The following ITGA9 variants were observed in gnomAD, a reference collection of about 807,000 sequenced individuals.
ITGA9 encodes integrin subunit alpha 9, also known as integrin alpha-9.
Under a neutral mutation model 127.8 loss-of-function variants are expected in ITGA9, and 56 were observed. The observed-to-expected ratio is 0.44, with a 90% CI of 0.35 to 0.55. ITGA9 has a LOEUF of 0.55. ITGA9 is among the 20% of genes least tolerant of loss of function. ITGA9 has a pLI of 0.00. For missense variants in ITGA9, 1,196 were observed against 1,347.1 expected, an observed-to-expected ratio of 0.89 and a Z score of 1.76; for synonymous variants, 508 against 514.5, an observed-to-expected ratio of 0.99 and a Z score of 0.17.
intron 15 of ITGA9, among the ~76,000 whole-genome samples, 157 bp downstream of exon 15, chr3:37,542,742 G>A (rs1351538310): frequency 6.6e-6 from 1 of 152,082 alleles, no homozygotes; most frequent in African/African-American, 2.4e-5. Flanking sequence ...TTTAAAGTTG[G>A]CCTCTGACAG....
intron 15 of ITGA9, among the ~76,000 whole-genome samples, chr3:37,591,503 G>C (rs1346085822): frequency 6.6e-6 from 1 of 152,200 alleles, no homozygotes; most frequent in Non-Finnish European, 1.5e-5. Flanking sequence ...TGGAGTGATA[G>C]AGAAGGAGTT....
intron 14 of ITGA9, among the ~76,000 whole-genome samples, chr3:37,534,548 G>C (rs1699189862): frequency 6.6e-6 from 1 of 152,234 alleles, no homozygotes; most frequent in African/African-American, 2.4e-5. Flanking sequence ...TCATTCCTCA[G>C]CCACACCTCA....
At chr3:37,694,764 G>T (rs896158264) in intron 18 of ITGA9, among the ~76,000 whole-genome samples, 1 of 152,154 alleles carries the variant, frequency 6.6e-6, no homozygotes, top group Non-Finnish European at 1.5e-5. Flanking sequence ...AAGGGGAAAG[G>T]GGGGAGTCTT....
chr3:37,504,022 C>T (rs554820346), intron 6 of ITGA9, among the ~76,000 whole-genome samples: 32 of 152,222 alleles, frequency 2.1e-4, no homozygotes, highest in Non-Finnish European at 1.2e-4. Context: ...AATGCTCTTT[C>T]GCACTCATGA....
At chr3:37,742,506 T>C (rs1371822228) in intron 21 of ITGA9, among the ~76,000 whole-genome samples, 1 of 152,198 alleles carries the variant, frequency 6.6e-6, no homozygotes, top group Non-Finnish European at 1.5e-5. Context: ...AAGCCCCAGC[T>C]TGGAAAAATG....
chr3:37,815,173 A>G (rs1179933496), intron 27 of ITGA9, among the ~76,000 whole-genome samples: 1 of 152,224 alleles, frequency 6.6e-6, no homozygotes, highest in African/African-American at 2.4e-5. Context: ...TAAAAACTTG[A>G]GCACATGAAA....
chr3:37,750,213 C>A (rs1359013393), intron 22 of ITGA9, among the ~76,000 whole-genome samples: 2 of 152,204 alleles, frequency 1.3e-5, no homozygotes, highest in African/African-American at 4.8e-5. Context: ...AGGAAGAAGA[C>A]AAAATGCTGA....
rs768226204 is a variant in ITGA9 at position 37,649,138 on chromosome 3, CAAAAG to C, written c.1840-4571_1840-4567del. On this transcript the variant is annotated intron_variant, in intron 16 of 27. Coordinates refer to ENST00000264741, the MANE Select transcript of ITGA9 (RefSeq NM_002207.3). The stretch of plus-strand genomic sequence containing the variant: ...ATACAAAAAAAAAAAAGAAACAAAA[CAAAAG>C]AAAACCGCAAGGGAGAAAAAGAGGG... Among the ~76,000 whole-genome samples the C allele has an allele frequency of 4.1e-5, 5 of 123,098 alleles. No homozygotes were observed. In the South Asian group the frequency reaches 8.0e-4, roughly 20 times the overall value. 80.8% of individuals were successfully genotyped at this position (123,098 alleles called of 152,430 possible).
intron 26 of ITGA9, among the ~76,000 whole-genome samples, chr3:37,785,804 G>A (rs1697033780): frequency 6.6e-6 from 1 of 152,128 alleles, no homozygotes; most frequent in African/African-American, 2.4e-5. Context: ...GACTTAAAGA[G>A]ATTACATCCA....
chr3:37,786,281 A>G (rs926845765), intron 26 of ITGA9, among the ~76,000 whole-genome samples: 3 of 152,244 alleles, frequency 2.0e-5, no homozygotes, highest in African/African-American at 7.2e-5. Context: ...TGGAGACACC[A>G]CATGTCAAAA....
intron 18 of ITGA9, among the ~76,000 whole-genome samples, chr3:37,692,152 G>T (rs1482036153): frequency 3.3e-5 from 5 of 152,084 alleles, no homozygotes; most frequent in Non-Finnish European, 7.3e-5. Context: ...ACACCATCAT[G>T]TACAGTCCCA....
chr3:37,623,330 T>A (rs561930321), intron 15 of ITGA9, among the ~76,000 whole-genome samples: 1 of 152,374 alleles, frequency 6.6e-6, no homozygotes, highest in Non-Finnish European at 1.5e-5. Flanking sequence ...ATTGCGTTAT[T>A]AGCCCTGAGC....
chr3:37,691,480 G>T (rs769748880), intron 18 of ITGA9, among the ~76,000 whole-genome samples: 6 of 152,188 alleles, frequency 3.9e-5, no homozygotes, highest in Admixed American at 3.3e-4. Flanking sequence ...GCAGCATTCA[G>T]TGGTTGCCAG....
At chr3:37,637,379 T>G (rs931328219) in intron 16 of ITGA9, among the ~76,000 whole-genome samples, 4 of 152,208 alleles carry the variant, frequency 2.6e-5, no homozygotes, top group Non-Finnish European at 4.4e-5. Flanking sequence ...CTAGGTATTT[T>G]ATTCTCTTTG....
chr3:37,496,437 C>T (rs1698730204), intron 5 of ITGA9, among the ~76,000 whole-genome samples: 1 of 152,128 alleles, frequency 6.6e-6, no homozygotes, highest in Non-Finnish European at 1.5e-5. Context: ...CAAGTCCCAC[C>T]ACCTCCTATG....
chr3:37,550,876 G>A (rs545753985), intron 15 of ITGA9, among the ~76,000 whole-genome samples: 4 of 152,214 alleles, frequency 2.6e-5, no homozygotes, highest in African/African-American at 7.2e-5. Context: ...TGTTGTTATT[G>A]TTGTTTTTAA....
At chr3:37,579,347 T>C (rs1160750971) in intron 15 of ITGA9, among the ~76,000 whole-genome samples, 3 of 152,206 alleles carry the variant, frequency 2.0e-5, no homozygotes, top group African/African-American at 7.2e-5. Flanking sequence ...AGAACATGGC[T>C]TCCAGTTTCA....
At chr3:37,626,241 G>C (rs1458679333) in intron 15 of ITGA9, among the ~76,000 whole-genome samples, 1 of 152,174 alleles carries the variant, frequency 6.6e-6, no homozygotes, top group African/African-American at 2.4e-5. Context: ...GATGTAGTTG[G>C]GGTGGTTTTA....
At chr3:37,564,078 A>T (rs565755935) in intron 15 of ITGA9, among the ~76,000 whole-genome samples, 3 of 152,340 alleles carry the variant, frequency 2.0e-5, no homozygotes, top group East Asian at 1.9e-4. Context: ...GCAGGACTTC[A>T]TGGAGCTTTA....
Sources: gnomAD v4.1 joint callset for allele counts (sites outside exome capture counted in the v4.1 genomes callset) on GRCh38, gnomAD v4.1.1 for gene constraint, MANE v1.5 for transcripts, NCBI Gene and HGNC (gene_info 2026-07-23, HGNC 2026-07-21) for gene names.